Variants in KDM1B observed in about 807,000 individuals in gnomAD.
KDM1B encodes the protein lysine demethylase 1B.
KDM1B carries 63 observed loss-of-function variants against 107.4 expected under a neutral mutation model. That is an observed-to-expected ratio of 0.59 (90% CI 0.48 to 0.72). The LOEUF (loss-of-function observed/expected upper bound fraction) is 0.72. Ranked by LOEUF, KDM1B falls within the 30% of genes least tolerant of loss-of-function variation. The probability of loss-of-function intolerance (pLI) is 0.00; values close to 1 mark genes in which losing one functional copy is unlikely to be tolerated. For synonymous variants in KDM1B, 363 were observed against 363.9 expected, an observed-to-expected ratio of 1.00 and a Z score of 0.03; for missense variants, 749 against 1,020.8, an observed-to-expected ratio of 0.73 and a Z score of 3.63.
At position 18,200,393 on chromosome 6, in the gene KDM1B, T is replaced by C; in HGVS notation, c.1222-46T>C. The C allele has an allele frequency of 1.9e-6, 3 of 1,584,686 alleles. No individual in the cohort carries two copies. The highest frequency in any genetic ancestry group is 2.6e-6 in the Non-Finnish European group (3 of 1,161,146). On this transcript the variant is annotated intron_variant, in intron 12 of 21. Transcript: ENST00000650836. This position sits in a 1 kb window ranked among gnomAD's most constrained non-coding sequence, Gnocchi z 4.3. ...CATTTTTATAATACTGTGTCTGATA[T>C]AACTCTTGTGTCCTATTTAGCTTCC...
Position 18,204,977 on chromosome 6 carries a change from T to C in KDM1B, c.1532-560T>C, listed in dbSNP as rs890591916. Among the ~76,000 whole-genome samples, 1 of 152,206 alleles carries C rather than the reference T, an allele frequency of 6.6e-6. No individual in the cohort carries two copies. The highest frequency in any genetic ancestry group is 2.4e-5 in the African/African-American group (1 of 41,456). On this transcript the variant is annotated intron_variant, in intron 14 of 21. Coordinates refer to ENST00000650836, the MANE Select transcript of KDM1B (RefSeq NM_001364614.2). This position sits in a 1 kb window ranked among gnomAD's most constrained non-coding sequence, Gnocchi z 4.9. ...CTTTGCCTGGCTGTGGTTGGGGAATTTATTACATAGGCAACCAGTAATTGT... is the reference window on the plus strand; with the variant it reads ...CTTTGCCTGGCTGTGGTTGGGGAATCTATTACATAGGCAACCAGTAATTGT...
intron 10 of KDM1B, among the ~76,000 whole-genome samples, chr6:18,194,603 A>AT (rs759622415): frequency 3.2e-4 from 48 of 151,834 alleles, no homozygotes; most frequent in Admixed American, 1.5e-3. Flanking sequence ...AACCTGGAGA[A>AT]TTTTTTTTTA....
intron 16 of KDM1B, among the ~76,000 whole-genome samples, chr6:18,207,754 A>G (rs1320126464): frequency 1.3e-5 from 2 of 152,214 alleles, no homozygotes; most frequent in Admixed American, 1.3e-4. Flanking sequence ...ATTAAGAAGA[A>G]GGTATTCAAA....
rs1177097989 is a variant in KDM1B, at chr6:18,200,700, A to G, written c.1359+124A>G. On this transcript the variant is annotated intron_variant, in intron 13 of 21. Transcript: ENST00000650836. The surrounding 1 kb of genome is among the most constrained non-coding windows in gnomAD (Gnocchi z 4.3). ...TAACAGCCCCCTCATCTCCTATGCA[A>G]AGCAGTAAGAATTACACTTCTGCCT... 37 of 715,058 alleles carry G rather than the reference A, an allele frequency of 5.2e-5. No individual in the cohort carries two copies. In the East Asian group the frequency reaches 1.1e-3, roughly 21 times the overall value. 44.3% of individuals were successfully genotyped at this position (715,058 alleles called of 1,614,324 possible). A position where few individuals can be genotyped will look rare whatever the true frequency, so the allele number is the denominator to read the frequency against.
rs1787933420 is a variant in KDM1B at position 18,200,059 on chromosome 6, A to T, written c.1222-380A>T. On this transcript the variant is annotated intron_variant, in intron 12 of 21. Coordinates refer to ENST00000650836, the MANE Select transcript of KDM1B (RefSeq NM_001364614.2). This position sits in a 1 kb window ranked among gnomAD's most constrained non-coding sequence, Gnocchi z 4.3. ...ACACCCGACTATGTATTTCTGGTAG[A>T]GACAGGGTTTCACCATGTTGGCCAA... Among the ~76,000 whole-genome samples the T allele has an allele frequency of 6.6e-6, 1 of 152,148 alleles. No homozygotes were observed. The highest frequency in any genetic ancestry group is 1.5e-5 in the Non-Finnish European group (1 of 68,018).
At position 18,222,675 on chromosome 6, in the gene KDM1B, A is replaced by G. The variant is rs562479281; in HGVS notation, c.*683A>G. 1 of 158,968 alleles carries G rather than the reference A, an allele frequency of 6.3e-6. No individual in the cohort carries two copies. The highest frequency in any genetic ancestry group is 1.9e-4 in the East Asian group (1 of 5,356). The allele number at this position is 158,968 out of a possible 1,614,324, so 9.8% of individuals were successfully genotyped here. On this transcript the variant is annotated 3_prime_UTR_variant, in exon 22 of 22. Transcript: ENST00000650836. ...AAAACAGGAAAGTTTCCAGATAGGT[A>G]TTGTATCATTGAGAATGCAGCACAG...
At chr6:18,219,805 C>G (rs966790628) in intron 21 of KDM1B, among the ~76,000 whole-genome samples, 2 of 152,156 alleles carry the variant, frequency 1.3e-5, no homozygotes, top group African/African-American at 4.8e-5. Context: ...TATCTGGGAA[C>G]AGTTAGTTTC....
chr6:18,198,502 T>C (rs570946957), intron 12 of KDM1B, among the ~76,000 whole-genome samples: 42 of 152,056 alleles, frequency 2.8e-4, no homozygotes, highest in Middle Eastern at 3.4e-3. Context: ...GTGCTGGGAT[T>C]ACAGGTGCGA....
chr6:18,198,279 A>G (rs1349683150), intron 12 of KDM1B, among the ~76,000 whole-genome samples: 3 of 152,134 alleles, frequency 2.0e-5, no homozygotes, highest in African/African-American at 7.2e-5. Context: ...TGAGACAGCA[A>G]ATAGTAGCAT....
intron 10 of KDM1B, 68 bp from the exon 11 acceptor site, chr6:18,196,989 T>C (rs1582165373): frequency 7.3e-7 from 1 of 1,378,834 alleles, no homozygotes; most frequent in Non-Finnish European, 1.0e-6. Flanking sequence ...ATGGATTGTT[T>C]TCCTGCTATT....
rs1293256555 is a variant in KDM1B at position 18,201,533 on chromosome 6, G to A, written c.1407G>A (p.Gln469=). 2.6e-6 allele frequency: 4 copies of A among 1,550,354 alleles called. No homozygotes were observed. The highest frequency in any genetic ancestry group is 3.5e-6 in the Non-Finnish European group (4 of 1,146,850). The change falls in exon 14 of 22, where the codon CAG becomes CAA. Residue 469 remains glutamine, a synonymous_variant. Transcript: ENST00000650836. The surrounding 1 kb of genome is among the most constrained non-coding windows in gnomAD (Gnocchi z 4.3). ...HKFGERCDLI[Q]EGGRITDPTI... Reference sequence around the variant, plus strand: ...TTGGAGAAAGATGTGACTTAATTCAGGAAGGTGGAAGAATAACTGACCCCA... The same window carrying A: ...TTGGAGAAAGATGTGACTTAATTCAAGAAGGTGGAAGAATAACTGACCCCA...
chr6:18,221,240 T>G (rs214506), intron 21 of KDM1B, among the ~76,000 whole-genome samples: 80,996 of 151,864 alleles, frequency 0.53, 23,126 homozygotes, highest in African/African-American at 0.75. Context: ...CATTTTCTGC[T>G]GTCTGTTCAG....
At chr6:18,189,164 G>T (rs567960457) in intron 9 of KDM1B, among the ~76,000 whole-genome samples, 3 of 152,228 alleles carry the variant, frequency 2.0e-5, no homozygotes, top group East Asian at 1.9e-4. Context: ...GATTTCCTAC[G>T]CCTGGACAGG....
At chr6:18,220,539 C>T (rs775397049) in intron 21 of KDM1B, among the ~76,000 whole-genome samples, 1 of 152,118 alleles carries the variant, frequency 6.6e-6, no homozygotes. Flanking sequence ...GAGTGAGACT[C>T]TTTTTCAAAA....
rs1383954784 is a variant in KDM1B at position 18,186,359 on chromosome 6, C to T, written c.573+549C>T. 6.6e-6 allele frequency among the ~76,000 whole-genome samples: 1 copy of T among 152,126 alleles called. No individual in the cohort carries two copies. Among genetic ancestry groups the T allele is most frequent in the African/African-American group, 2.4e-5 (1 of 41,416 alleles). The stretch of plus-strand genomic sequence containing the variant: ...CCTGAGTTGACAAACTTCAGTGTAC[C>T]ATGTAACCAGATTCGGTGACTGTTT... On this transcript the variant is annotated intron_variant, in intron 8 of 21. Coordinates refer to ENST00000650836, the MANE Select transcript of KDM1B (RefSeq NM_001364614.2). This position sits in a 1 kb window ranked among gnomAD's most constrained non-coding sequence, Gnocchi z 5.6.
rs1788914193 is a variant in KDM1B, at chr6:18,212,428, G to A, written c.1867-60G>A. 3 of 956,798 alleles carry A rather than the reference G, an allele frequency of 3.1e-6. No individual in the cohort carries two copies. The East Asian group carries it at 7.2e-5, about 23-fold the overall frequency. 59.3% of individuals were successfully genotyped at this position (956,798 alleles called of 1,614,324 possible). A position where few individuals can be genotyped will look rare whatever the true frequency, so the allele number is the denominator to read the frequency against. ...AACAGCATGGGTTGTTGATACCAGTGTAGTGGTAGTGTGAGGTTCTGTTGC... is the reference window on the plus strand; with the variant it reads ...AACAGCATGGGTTGTTGATACCAGTATAGTGGTAGTGTGAGGTTCTGTTGC... On this transcript the variant is annotated intron_variant, in intron 17 of 21. Coordinates refer to ENST00000650836, the MANE Select transcript of KDM1B (RefSeq NM_001364614.2). The surrounding 1 kb of genome is among the most constrained non-coding windows in gnomAD (Gnocchi z 5.2).
chr6:18,207,485 A>G lies in KDM1B; in HGVS notation c.1747A>G (p.Ile583Val). 5 of 1,614,196 alleles carry G rather than the reference A, an allele frequency of 3.1e-6. No individual in the cohort carries two copies. Among genetic ancestry groups the G allele is most frequent in the Non-Finnish European group, 1.7e-6 (2 of 1,180,032 alleles). ...GCTAACTCCCGGGTACTCGGTGATA[A>G]TTGAAAAACTGGCAGAAGGGCTTGA... Reference protein sequence around the residue: ...TLLTPGYSVIIEKLAEGLDIQ... With the variant: ...TLLTPGYSVIVEKLAEGLDIQ... The change falls in exon 16 of 22, where the codon ATT becomes GTT. Residue 583 changes from isoleucine (I) to valine (V), a missense_variant. Transcript: ENST00000650836.
rs1286294250 is a variant in KDM1B at position 18,205,105 on chromosome 6, G to A, written c.1532-432G>A. Among the ~76,000 whole-genome samples, 1 of 152,158 alleles carries A rather than the reference G, an allele frequency of 6.6e-6. No individual in the cohort carries two copies. Among genetic ancestry groups the A allele is most frequent in the Non-Finnish European group, 1.5e-5 (1 of 68,034 alleles). On this transcript the variant is annotated intron_variant, in intron 14 of 21. Transcript: ENST00000650836. The surrounding 1 kb of genome is among the most constrained non-coding windows in gnomAD (Gnocchi z 5.7). ...GTTACAGGTCTCTTAGTTGAGGTGAGATGTTGTAAGCATTGACTTTAAGGT... is the reference window on the plus strand; with the variant it reads ...GTTACAGGTCTCTTAGTTGAGGTGAAATGTTGTAAGCATTGACTTTAAGGT...
In KDM1B at chr6:18,204,664, T is replaced by C. The variant is rs1421972292; in HGVS notation, c.1532-873T>C. On this transcript the variant is annotated intron_variant, in intron 14 of 21. Transcript: ENST00000650836. The surrounding 1 kb of genome is among the most constrained non-coding windows in gnomAD (Gnocchi z 4.9). ...AAAGGAATGTAAGACAAAAATGATA[T>C]CACAGGGCTGTGTCCATATAGTTAC... Among the ~76,000 whole-genome samples the C allele has an allele frequency of 6.6e-6, 1 of 152,126 alleles. No individual in the cohort carries two copies. Among genetic ancestry groups the C allele is most frequent in the African/African-American group, 2.4e-5 (1 of 41,436 alleles).
Sources: gnomAD v4.1 joint callset for allele counts (sites outside exome capture counted in the v4.1 genomes callset) on GRCh38, gnomAD v4.1.1 for gene constraint, Gnocchi (gnomAD v3.1) non-coding constraint, MANE v1.5 for transcripts, NCBI Gene and HGNC (gene_info 2026-07-23, HGNC 2026-07-21) for gene names.